Variants in SERPINE3 observed in about 807,000 individuals in gnomAD.
SERPINE3 encodes the protein serpin E3.
SERPINE3 carries 43 observed loss-of-function variants against 41.7 expected under a neutral mutation model. The observed-to-expected ratio is 1.03, with a 90% CI of 0.81 to 1.33. SERPINE3 has a LOEUF of 1.33. SERPINE3 is among the 40% of genes most tolerant of loss of function. The probability of loss-of-function intolerance (pLI) is 0.00; values close to 1 mark genes in which losing one functional copy is unlikely to be tolerated. For synonymous variants in SERPINE3, 200 were observed against 192.2 expected (o/e 1.04, Z -0.34); for missense variants, 440 against 491.7 (o/e 0.89, Z 0.99).
intron 3 of SERPINE3, among the ~76,000 whole-genome samples, chr13:51,342,178 CAAAAAAAAAAA>C (rs869298134): frequency 1.9e-4 from 12 of 63,578 alleles, no homozygotes; most frequent in African/African-American, 5.3e-4. Flanking sequence ...AAAGACAGAA[CAAAAAAAAAAA>C]AAAAAAAAAA....
At position 51,341,425 on chromosome 13, in the gene SERPINE3, A is replaced by C. The variant is rs559611589; in HGVS notation, c.256+78A>C. On this transcript the variant is annotated intron_variant, in intron 3 of 9. Coordinates refer to ENST00000681248, the MANE Select transcript of SERPINE3 (RefSeq NM_001386375.1). The stretch of plus-strand genomic sequence containing the variant: ...CTCTCTCCAGCTCACCCTCCTGCTC[A>C]CACTCACACTCACTCTCTCCAGCTT... 2.3e-6 allele frequency: 3 copies of C among 1,281,224 alleles called. No homozygotes were observed. In the African/African-American group the frequency reaches 4.4e-5, roughly 19 times the overall value. 79.4% of individuals were successfully genotyped at this position (1,281,224 alleles called of 1,614,324 possible). A position where few individuals can be genotyped will look rare whatever the true frequency, so the allele number is the denominator to read the frequency against.
chr13:51,346,598 C>T (rs966940899), intron 4 of SERPINE3, among the ~76,000 whole-genome samples: 2 of 152,212 alleles, frequency 1.3e-5, no homozygotes, highest in Admixed American at 1.3e-4. Flanking sequence ...TGACTGGTCA[C>T]CCAGGTGTCA....
chr13:51,348,387 C>A lies in SERPINE3; in HGVS notation c.875C>A (p.Ala292Asp). 6.2e-7 allele frequency: 1 copy of A among 1,613,698 alleles called. No individual in the cohort carries two copies. The highest frequency in any genetic ancestry group is 8.5e-7 in the Non-Finnish European group (1 of 1,179,788). ...CTCTGGACCACCAGCCTGAGGAGAG[C>A]CAGGATGGATGTGTTCCTGCCCAGG... ...IHLWTTSLRR[A>D]RMDVFLPRFR... The change falls in exon 6 of 10, where the codon GCC (alanine) becomes GAC (aspartate). Residue 292 changes from alanine (A) to aspartate (D), a missense_variant. Coordinates refer to ENST00000681248, the MANE Select transcript of SERPINE3 (RefSeq NM_001386375.1).
intron 7 of SERPINE3, among the ~76,000 whole-genome samples, chr13:51,358,930 G>A (rs1382571861): frequency 6.6e-6 from 1 of 151,974 alleles, no homozygotes; most frequent in Non-Finnish European, 1.5e-5. Context: ...GGTGTGGGTG[G>A]TTCTATGGTT....
rs962685535 is a variant in SERPINE3 at position 51,346,961 on chromosome 13, C to G, written c.491-64C>G. The G allele has an allele frequency of 3.2e-6, 4 of 1,245,522 alleles. No homozygotes were observed. In the African/African-American group the frequency reaches 5.9e-5, roughly 19 times the overall value. 77.2% of individuals were successfully genotyped at this position (1,245,522 alleles called of 1,614,324 possible). A position where few individuals can be genotyped will look rare whatever the true frequency, so the allele number is the denominator to read the frequency against. ...ACTCTGCACTCCTTGTCCGCACACA[C>G]ACTGGGTTCGGTTCAGTTTCAATGC... On this transcript the variant is annotated intron_variant, in intron 4 of 9. Transcript: ENST00000681248.
chr13:51,359,812 T>G (rs1417634688), intron 7 of SERPINE3, among the ~76,000 whole-genome samples: 2 of 152,134 alleles, frequency 1.3e-5, no homozygotes, highest in African/African-American at 4.8e-5. Context: ...ACTTTGGCAC[T>G]GCATTTCAGT....
chr13:51,362,160 T>C (rs776493598), intron 9 of SERPINE3: 11 of 928,448 alleles, frequency 1.2e-5, no homozygotes, highest in Non-Finnish European at 1.5e-5. Context: ...ATGCTATAGG[T>C]TTCTACTTCT....
intron 6 of SERPINE3, among the ~76,000 whole-genome samples, chr13:51,349,714 C>T (rs946328018): frequency 6.6e-6 from 1 of 152,138 alleles, no homozygotes; most frequent in Non-Finnish European, 1.5e-5. Flanking sequence ...AGTCTCAAAC[C>T]CTCAAGCAGT....
rs1054000530 is a variant in SERPINE3, at chr13:51,347,346, G to A, written c.700+112G>A. ...AGGGATCGGGATGTGTTTCCGCAGG[G>A]TCCATCTGCTGGACTGGGCATGCAT... On this transcript the variant is annotated intron_variant, in intron 5 of 9. Coordinates refer to ENST00000681248, the MANE Select transcript of SERPINE3 (RefSeq NM_001386375.1). The A allele has an allele frequency of 6.6e-6, 6 of 910,292 alleles. No homozygotes were observed. The African/African-American group carries it at 9.9e-5, about 15-fold the overall frequency. 56.4% of individuals were successfully genotyped at this position (910,292 alleles called of 1,614,324 possible).
chr13:51,347,156 C>A lies in SERPINE3; in HGVS notation c.622C>A (p.Gln208Lys), dbSNP rs776361469. The A allele has an allele frequency of 6.2e-7, 1 of 1,614,010 alleles. No homozygotes were observed. The highest frequency in any genetic ancestry group is 1.1e-5 in the South Asian group (1 of 91,056). ...AAAGAGATTCTCCTCCACAGACACA[C>A]AGATCCTGCCTTTCACCTGTGCCTA... ...WRKRFSSTDT[Q>K]ILPFTCAYGL... Residue 208 changes from glutamine to lysine, a missense_variant, in exon 5 of 10, where the codon CAG becomes AAG. By Grantham distance (53) the Gln-to-Lys change is moderately conservative. Transcript: ENST00000681248.
At chr13:51,363,340 C>T (rs889015761) in intron 9 of SERPINE3, 19 of 151,938 alleles carry the variant, frequency 1.3e-4, no homozygotes, top group African/African-American at 4.6e-4. Context: ...GACTTTACCT[C>T]TATCTGGGAG....
chr13:51,356,468 T>C (rs1373314425), intron 7 of SERPINE3, among the ~76,000 whole-genome samples: 2 of 152,238 alleles, frequency 1.3e-5, no homozygotes, highest in Non-Finnish European at 2.9e-5. Flanking sequence ...ATGGCATCCC[T>C]GTTGTTGCTG....
In SERPINE3 at chr13:51,341,159, G is replaced by A. The variant is rs750154942; in HGVS notation, c.68G>A (p.Arg23His). ...TGCCTCCGAGCAAATGGCCACCTCC[G>A]TGAAGGAATGACATTGCTGAAGACT... is the stretch of plus-strand genomic sequence containing the variant. ...SCCLRANGHL[R>H]EGMTLLKTEF... The change falls in exon 3 of 10, where the codon CGT becomes CAT. Residue 23 changes from arginine to histidine, a missense_variant. Arg to His is a conservative substitution (Grantham distance 29). Transcript: ENST00000681248. 30 of 1,613,858 alleles carry A rather than the reference G, an allele frequency of 1.9e-5. No individual in the cohort carries two copies. Among genetic ancestry groups the A allele is most frequent in the South Asian group, 4.4e-5 (4 of 91,078 alleles).
intron 4 of SERPINE3, among the ~76,000 whole-genome samples, chr13:51,346,630 C>T (rs1192085736): frequency 6.6e-6 from 1 of 152,236 alleles, no homozygotes; most frequent in African/African-American, 2.4e-5. Flanking sequence ...TTCTCACTTT[C>T]CATTTCCCTC....
chr13:51,346,385 G>A (rs1955345976), intron 4 of SERPINE3, among the ~76,000 whole-genome samples: 1 of 152,166 alleles, frequency 6.6e-6, no homozygotes. Flanking sequence ...CCAAGGGTCT[G>A]CCTGGGGAGG....
intron 5 of SERPINE3, 69 bp from the exon 6 acceptor site, chr13:51,348,144 A>G: frequency 8.2e-7 from 1 of 1,221,218 alleles, no homozygotes; most frequent in Non-Finnish European, 1.2e-6. Flanking sequence ...AGCCTCTCTC[A>G]GGGTCCGACA....
At chr13:51,342,873 C>G (rs1955308170) in intron 3 of SERPINE3, among the ~76,000 whole-genome samples, 2 of 152,192 alleles carry the variant, frequency 1.3e-5, no homozygotes, top group African/African-American at 4.8e-5. Flanking sequence ...TTACTACACT[C>G]AAATGCAAGC....
chr13:51,340,858 C>T lies in SERPINE3; in HGVS notation c.-21C>T, dbSNP rs768495333. On this transcript the variant is annotated 5_prime_UTR_variant, in exon 2 of 10. Transcript: ENST00000681248. ...ACCCACAGTTTGGCTGCCAAAGGAC[C>T]ACAGTGAGTATTTCTAATGCTGAAA... is the stretch of plus-strand genomic sequence containing the variant. 7.6e-5 allele frequency: 44 copies of T among 577,188 alleles called. No homozygotes were observed. Among genetic ancestry groups the T allele is most frequent in the Non-Finnish European group, 1.3e-4 (41 of 324,498 alleles). 35.8% of individuals were successfully genotyped at this position (577,188 alleles called of 1,614,324 possible).
intron 6 of SERPINE3, among the ~76,000 whole-genome samples, chr13:51,353,412 G>A (rs942666307): frequency 1.3e-5 from 2 of 152,116 alleles, no homozygotes; most frequent in Non-Finnish European, 2.9e-5. Flanking sequence ...CTACAAACAC[G>A]CATTACAATT....
Sources: allele counts gnomAD v4.1 joint callset (sites outside exome capture counted in the v4.1 genomes callset), GRCh38; gene constraint gnomAD v4.1.1; transcripts MANE v1.5; gene names NCBI Gene and HGNC (gene_info 2026-07-23, HGNC 2026-07-21).